CCM2L: variants seen among roughly 807,000 people sequenced by gnomAD.
The protein encoded by CCM2L is CCM2 like scaffold protein.
A neutral mutation model predicts 54.1 loss-of-function variants in CCM2L; 36 were observed. That is an observed-to-expected ratio of 0.67 (90% CI 0.51 to 0.88). The LOEUF (loss-of-function observed/expected upper bound fraction) is 0.88. CCM2L is among the 40% of genes least tolerant of loss of function. CCM2L has a pLI of 0.00. For missense variants in CCM2L, 700 were observed against 812.1 expected (o/e 0.86, Z 1.68); for synonymous variants, 351 against 359.3 (o/e 0.98, Z 0.26).
chr20:32,014,797 A>G (rs1211494816), intron 1 of CCM2L, 107 bp from the exon 2 acceptor site: 3 of 1,114,366 alleles, frequency 2.7e-6, no homozygotes, highest in Non-Finnish European at 3.8e-6. Context: ...CCCCTTCTGC[A>G]GAGTTTTGGT....
In CCM2L at chr20:32,010,443, G is replaced by A. The variant is rs2064681900; in HGVS notation, c.-12G>A. 2.6e-6 allele frequency: 4 copies of A among 1,550,792 alleles called. No homozygotes were observed. The highest frequency in any genetic ancestry group is 3.5e-6 in the Non-Finnish European group (4 of 1,146,606). ...GCCAGGAGGGTGGCAGGAGTAGAGGGGACATTTCACCATGGAATATGAAGT... is the reference window on the plus strand; with the variant it reads ...GCCAGGAGGGTGGCAGGAGTAGAGGAGACATTTCACCATGGAATATGAAGT... On this transcript the variant is annotated 5_prime_UTR_variant, in exon 1 of 10. Coordinates refer to ENST00000452892, the MANE Select transcript of CCM2L (RefSeq NM_001365692.1).
chr20:32,024,726 C>T (rs144105557), intron 6 of CCM2L, among the ~76,000 whole-genome samples: 9 of 152,322 alleles, frequency 5.9e-5, no homozygotes, highest in African/African-American at 2.2e-4. Flanking sequence ...ACTCGGGAGG[C>T]TGAGGCAGGA....
intron 7 of CCM2L, chr20:32,028,130 A>G (rs2064880042): frequency 6.6e-6 from 1 of 152,174 alleles, no homozygotes; most frequent in Non-Finnish European, 1.5e-5. Context: ...AGGTAGAGGG[A>G]ACAGCAAATG....
chr20:32,019,666 T>C (rs2122339720), intron 5 of CCM2L, among the ~76,000 whole-genome samples: 1 of 152,248 alleles, frequency 6.6e-6, no homozygotes, highest in Admixed American at 6.5e-5. Context: ...TTCTCCAACG[T>C]TGTCAGTGTT....
rs574017055 is a variant in CCM2L at position 32,031,777 on chromosome 20, G to C, written c.*463G>C. The C allele has an allele frequency of 6.1e-6, 1 of 163,514 alleles. No individual in the cohort carries two copies. Among genetic ancestry groups the C allele is most frequent in the East Asian group, 1.9e-4 (1 of 5,234 alleles). 10.1% of individuals were successfully genotyped at this position (163,514 alleles called of 1,614,324 possible). On this transcript the variant is annotated 3_prime_UTR_variant, in exon 10 of 10. Coordinates refer to ENST00000452892, the MANE Select transcript of CCM2L (RefSeq NM_001365692.1). ...CAAGAAGAGAGGACGGGGCTTGAGG[G>C]AATCTCCTGATTCTCCTTATATGAC...
chr20:32,021,028 C>T (rs971769287), intron 5 of CCM2L, among the ~76,000 whole-genome samples: 17 of 152,242 alleles, frequency 1.1e-4, no homozygotes, highest in Admixed American at 2.0e-4. Flanking sequence ...TGTACCCACC[C>T]AGGTCCATGC....
chr20:32,022,651 C>G lies in CCM2L; in HGVS notation c.934-9C>G, dbSNP rs781617191. The stretch of plus-strand genomic sequence containing the variant: ...GGACCTGAGCTCTCTCTCCTCCTCC[C>G]TGGGCCAGGACGCTGCAGAGGAGTC... On this transcript the variant is annotated splice_polypyrimidine_tract_variant and intron_variant, in intron 5 of 9. Transcript: ENST00000452892. 1.2e-6 allele frequency: 2 copies of G among 1,613,790 alleles called. No individual in the cohort carries two copies. The highest frequency in any genetic ancestry group is 1.7e-6 in the Non-Finnish European group (2 of 1,179,810).
intron 5 of CCM2L, 84 bp downstream of exon 5, chr20:32,019,493 C>T (rs1424562666): frequency 1.9e-6 from 2 of 1,059,204 alleles, no homozygotes; most frequent in Non-Finnish European, 2.6e-6. Flanking sequence ...CCCCACCCAC[C>T]AGGTTCCTAG....
At position 32,014,946 on chromosome 20, in the gene CCM2L, G is replaced by A. The variant is rs146878690; in HGVS notation, c.73G>A (p.Gly25Arg). The A allele has an allele frequency of 4.6e-5, 73 of 1,601,088 alleles. No individual in the cohort carries two copies. Among genetic ancestry groups the A allele is most frequent in the Middle Eastern group, 1.7e-4 (1 of 6,046 alleles). The change falls in exon 2 of 10, where the codon GGG becomes AGG. Residue 25 changes from glycine (G) to arginine (R), a missense_variant. Coordinates refer to ENST00000452892, the MANE Select transcript of CCM2L (RefSeq NM_001365692.1). ...PIRRLVFPKA[G>R]RRAACRSSVS... The stretch of plus-strand genomic sequence containing the variant: ...CCGAAGGCTGGTGTTCCCCAAGGCC[G>A]GGCGCCGGGCAGCCTGTAGGAGCAG...
chr20:32,022,865 C>A, intron 6 of CCM2L, 70 bp downstream of exon 6: 1 of 1,560,314 alleles, frequency 6.4e-7, no homozygotes, highest in East Asian at 2.3e-5. Context: ...GGAAGATGTC[C>A]CAGGACTTGG....
chr20:32,031,428 C>G lies in CCM2L; in HGVS notation c.*114C>G. The stretch of plus-strand genomic sequence containing the variant: ...ACACCTGGCGGGGCCGGGGGGTCTT[C>G]ACTCCAGGGTCTCGCTCCCTGCCCT... On this transcript the variant is annotated 3_prime_UTR_variant, in exon 10 of 10. Transcript: ENST00000452892. 1.1e-6 allele frequency: 1 copy of G among 875,638 alleles called. No homozygotes were observed. The highest frequency in any genetic ancestry group is 1.5e-6 in the Non-Finnish European group (1 of 655,834). The allele number at this position is 875,638 out of a possible 1,614,324, so 54.2% of individuals were successfully genotyped here. A position where few individuals can be genotyped will look rare whatever the true frequency, so the allele number is the denominator to read the frequency against.
chr20:32,028,912 G>A, intron 7 of CCM2L, 83 bp from the exon 8 acceptor site: 7 of 1,571,758 alleles, frequency 4.5e-6, no homozygotes, highest in South Asian at 2.3e-5. Context: ...ATGCAGTCTA[G>A]GATGAGGCCT....
chr20:32,028,765 T>G (rs1387484288), intron 7 of CCM2L: 21 of 504,064 alleles, frequency 4.2e-5, no homozygotes, highest in African/African-American at 1.7e-4. Context: ...CACCCAGAGG[T>G]GAGGAGATAG....
At position 32,019,264 on chromosome 20, in the gene CCM2L, C is replaced by G. The variant is rs2064777718; in HGVS notation, c.788C>G (p.Pro263Arg). ...GGGGGGGAGK[P>R]GGSWERRQAG... ...GGCGGCGGCGGCGGCGCGGGAAAGCCGGGCGGTAGCTGGGAGCGGAGGCAG... is the reference window on the plus strand; with the variant it reads ...GGCGGCGGCGGCGGCGCGGGAAAGCGGGGCGGTAGCTGGGAGCGGAGGCAG... The change falls in exon 5 of 10, where the codon CCG becomes CGG. Residue 263 changes from proline (P) to arginine (R), a missense_variant. Physicochemically the swap from Pro to Arg is moderately radical, Grantham distance 103. Transcript: ENST00000452892. The G allele has an allele frequency of 8.2e-7, 1 of 1,216,802 alleles. No homozygotes were observed. The highest frequency in any genetic ancestry group is 1.6e-5 in the African/African-American group (1 of 63,584). The allele number at this position is 1,216,802 out of a possible 1,614,324, so 75.4% of individuals were successfully genotyped here.
Position 32,018,314 on chromosome 20 carries a change from G to T in CCM2L, c.466+152G>T, listed in dbSNP as rs915639027. 20 of 641,238 alleles carry T rather than the reference G, an allele frequency of 3.1e-5. 1 individual carries two copies. Among genetic ancestry groups the T allele is most frequent in the African/African-American group, 2.1e-4 (12 of 56,190 alleles). The allele number at this position is 641,238 out of a possible 1,614,324, so 39.7% of individuals were successfully genotyped here. ...CGGCGGGGGCAGAGGAGATGGAAAAGGTCTGACCATACTACCCTGAGACTA... is the reference window on the plus strand; with the variant it reads ...CGGCGGGGGCAGAGGAGATGGAAAATGTCTGACCATACTACCCTGAGACTA... On this transcript the variant is annotated intron_variant, in intron 4 of 9. Coordinates refer to ENST00000452892, the MANE Select transcript of CCM2L (RefSeq NM_001365692.1).
At chr20:32,018,895 T>C in intron 4 of CCM2L, 48 bp from the exon 5 acceptor site, 1 of 1,240,696 alleles carries the variant, frequency 8.1e-7, no homozygotes, top group Non-Finnish European at 1.0e-6. Flanking sequence ...GGCGGGGGGG[T>C]CTCTGAGTCC....
At chr20:32,019,664 C>T (rs1261041595) in intron 5 of CCM2L, among the ~76,000 whole-genome samples, 1 of 152,170 alleles carries the variant, frequency 6.6e-6, no homozygotes, top group African/African-American at 2.4e-5. Context: ...CCTTCTCCAA[C>T]GTTGTCAGTG....
intron 9 of CCM2L, among the ~76,000 whole-genome samples, chr20:32,030,289 A>G (rs1463407576): frequency 1.3e-5 from 2 of 152,206 alleles, no homozygotes; most frequent in Non-Finnish European, 2.9e-5. Flanking sequence ...AGAAGTAGAT[A>G]CTATTAATGG....
rs1184395961 is a variant in CCM2L, at chr20:32,031,166, A to T, written c.1568A>T (p.Gln523Leu). Residue 523 changes from glutamine (Q) to leucine (L), a missense_variant, in exon 10 of 10, where the codon CAG becomes CTG. Gln to Leu is a moderately radical substitution (Grantham distance 113). Transcript: ENST00000452892. ...GTGCGCAGCTACGATGGCGCGGCGCAGCGGCCCGAGGCACAGGCCTTCCAC... is the reference window on the plus strand; with the variant it reads ...GTGCGCAGCTACGATGGCGCGGCGCTGCGGCCCGAGGCACAGGCCTTCCAC... ...SAVRSYDGAAQRPEAQAFHRL... is the reference protein window; with the variant it reads ...SAVRSYDGAALRPEAQAFHRL... 1 of 1,302,560 alleles carries T rather than the reference A, an allele frequency of 7.7e-7. No individual in the cohort carries two copies. 80.7% of individuals were successfully genotyped at this position (1,302,560 alleles called of 1,614,324 possible). A position where few individuals can be genotyped will look rare whatever the true frequency, so the allele number is the denominator to read the frequency against.
Sources: gnomAD v4.1 joint callset for allele counts (sites outside exome capture counted in the v4.1 genomes callset) on GRCh38, gnomAD v4.1.1 for gene constraint, MANE v1.5 for transcripts, NCBI Gene and HGNC (gene_info 2026-07-23, HGNC 2026-07-21) for gene names.